Variants in SERGEF observed in about 807,000 individuals in gnomAD.
SERGEF encodes secretion-regulating guanine nucleotide exchange factor.
Under a neutral mutation model 50.0 loss-of-function variants are expected in SERGEF, and 51 were observed. The ratio of observed to expected loss-of-function variants is 1.02; its 90% CI spans 0.81 to 1.29. The LOEUF is 1.29. Ranked by LOEUF, SERGEF falls within the 50% of genes most tolerant of loss-of-function variation. The pLI, the probability that SERGEF is intolerant of heterozygous loss-of-function variation, is 0.00. For missense variants in SERGEF, 521 were observed against 557.0 expected (o/e 0.94, Z 0.65); for synonymous variants, 205 against 212.4 (o/e 0.97, Z 0.30).
chr11:17,817,488 T>G lies in SERGEF; in HGVS notation c.1049-29075A>C, dbSNP rs559261515. ...GCCTCAGCCTCCCAAAGTGCTGGGA[T>G]TACAGGCATGAGCCACCACGCCTGG... On this transcript the variant is annotated intron_variant, in intron 10 of 10. Transcript: ENST00000265965. Among the ~76,000 whole-genome samples, 27 of 152,288 alleles carry G rather than the reference T, an allele frequency of 1.8e-4. No individual in the cohort carries two copies. The South Asian group carries it at 5.6e-3, about 32-fold the overall frequency.
chr11:17,922,476 G>A (rs1209680317), intron 9 of SERGEF, among the ~76,000 whole-genome samples: 1 of 152,166 alleles, frequency 6.6e-6, no homozygotes, highest in African/African-American at 2.4e-5. Flanking sequence ...AGAAAACATT[G>A]GGGTTTTTTT....
rs746060767 is a variant in SERGEF at position 17,788,073 on chromosome 11, A to G, written c.*12T>C. The G allele has an allele frequency of 7.3e-6, 11 of 1,505,812 alleles. No individual in the cohort carries two copies. The highest frequency in any genetic ancestry group is 8.9e-6 in the Non-Finnish European group (10 of 1,125,010). 93.3% of individuals were successfully genotyped at this position (1,505,812 alleles called of 1,614,324 possible). On this transcript the variant is annotated 3_prime_UTR_variant, in exon 11 of 11. Transcript: ENST00000265965. ...TTTTGGTGGGAAAAGCCACTTTATT[A>G]AAGATTCTCTATCACAGTCCCCCAT...
chr11:17,805,941 A>C (rs2133830211), intron 10 of SERGEF, among the ~76,000 whole-genome samples: 1 of 152,352 alleles, frequency 6.6e-6, no homozygotes, highest in African/African-American at 2.4e-5. Context: ...ATTGGGCCCA[A>C]AGGTAGGGAG....
chr11:17,953,975 C>T (rs953943304), intron 9 of SERGEF, among the ~76,000 whole-genome samples: 2 of 152,200 alleles, frequency 1.3e-5, no homozygotes, highest in South Asian at 4.1e-4. Flanking sequence ...ATTTTTAAAT[C>T]TCCAGTGAAA....
At chr11:17,916,043 A>C (rs1219344969) in intron 9 of SERGEF, among the ~76,000 whole-genome samples, 1 of 152,220 alleles carries the variant, frequency 6.6e-6, no homozygotes, top group Non-Finnish European at 1.5e-5. Context: ...AAGACAAGCA[A>C]GTAAAACCTT....
intron 9 of SERGEF, among the ~76,000 whole-genome samples, chr11:17,946,751 T>C (rs992178686): frequency 2.6e-5 from 4 of 152,212 alleles, no homozygotes; most frequent in African/African-American, 9.7e-5. Flanking sequence ...GCAATGCAGA[T>C]TGAAAAAGAT....
intron 10 of SERGEF, among the ~76,000 whole-genome samples, chr11:17,791,039 C>G (rs1849476622): frequency 6.6e-6 from 1 of 152,174 alleles, no homozygotes; most frequent in Non-Finnish European, 1.5e-5. Flanking sequence ...TTGGAAGTAT[C>G]TTCTTCCAGA....
chr11:17,959,586 T>A lies in SERGEF; in HGVS notation c.895A>T (p.Arg299Trp), dbSNP rs755617722. Reference protein sequence around the residue: ...WGRADYGQLGRKLETYEGWKL... With the variant: ...WGRADYGQLGWKLETYEGWKL... ...CAGCCTTCATAAGTCTCCAACTTCCTCCCTAGCTGACCATAGTCTGCTCGG... is the reference window on the plus strand; with the variant it reads ...CAGCCTTCATAAGTCTCCAACTTCCACCCTAGCTGACCATAGTCTGCTCGG... The change falls in exon 9 of 11, where the codon AGG becomes TGG. Residue 299 changes from arginine (R) to tryptophan (W), a missense_variant. By Grantham distance (101) the Arg-to-Trp change is moderately radical. Coordinates refer to ENST00000265965, the MANE Select transcript of SERGEF (RefSeq NM_012139.4). 2.4e-5 allele frequency: 38 copies of A among 1,614,002 alleles called. No individual in the cohort carries two copies. Among genetic ancestry groups the A allele is most frequent in the Non-Finnish European group, 3.1e-5 (37 of 1,179,974 alleles).
intron 9 of SERGEF, among the ~76,000 whole-genome samples, chr11:17,892,788 A>G (rs1851557388): frequency 1.3e-5 from 2 of 152,212 alleles, no homozygotes; most frequent in African/African-American, 4.8e-5. Context: ...AACACACACT[A>G]CAGGAAACCA....
At chr11:17,875,044 G>A (rs1422376984) in intron 10 of SERGEF, among the ~76,000 whole-genome samples, 19 of 152,290 alleles carry the variant, frequency 1.2e-4, no homozygotes, top group African/African-American at 4.3e-4. Flanking sequence ...TCCCAGATGA[G>A]GTGATCAAGA....
chr11:17,955,429 G>T (rs1277793382), intron 9 of SERGEF, among the ~76,000 whole-genome samples: 1 of 152,166 alleles, frequency 6.6e-6, no homozygotes, highest in East Asian at 1.9e-4. Context: ...TTATGGAATG[G>T]GCAAGAACTC....
At chr11:17,815,281 A>C (rs1425420060) in intron 10 of SERGEF, among the ~76,000 whole-genome samples, 1 of 152,004 alleles carries the variant, frequency 6.6e-6, no homozygotes, top group African/African-American at 2.4e-5. Flanking sequence ...ATCTATATAA[A>C]TACTTCGGGG....
intron 10 of SERGEF, among the ~76,000 whole-genome samples, chr11:17,817,812 C>T (rs1232121455): frequency 6.6e-6 from 1 of 152,126 alleles, no homozygotes; most frequent in South Asian, 2.1e-4. Flanking sequence ...AGTATTCAAC[C>T]CAAAGGCTGC....
intron 6 of SERGEF, among the ~76,000 whole-genome samples, chr11:17,994,304 T>C (rs1252996892): frequency 6.6e-6 from 1 of 151,686 alleles, no homozygotes; most frequent in African/African-American, 2.4e-5. Context: ...GAAAACCCTG[T>C]CTCTACTAAA....
chr11:18,007,505 C>T (rs574277195), intron 2 of SERGEF, among the ~76,000 whole-genome samples: 1 of 152,316 alleles, frequency 6.6e-6, no homozygotes, highest in South Asian at 2.1e-4. Context: ...CCCTTTACAA[C>T]ATTGTAGCAC....
At chr11:17,807,514 G>A (rs943861494) in intron 10 of SERGEF, among the ~76,000 whole-genome samples, 8 of 152,224 alleles carry the variant, frequency 5.3e-5, no homozygotes, top group Non-Finnish European at 8.8e-5. Context: ...CACCCAGGGG[G>A]TAATGCGGTT....
chr11:17,842,744 G>A (rs1189019672), intron 10 of SERGEF, among the ~76,000 whole-genome samples: 1 of 152,212 alleles, frequency 6.6e-6, no homozygotes, highest in East Asian at 1.9e-4. Context: ...TATTTCTGTG[G>A]TGCTGGAGGC....
chr11:17,891,734 T>C (rs927700924), intron 9 of SERGEF, among the ~76,000 whole-genome samples: 9 of 152,210 alleles, frequency 5.9e-5, no homozygotes, highest in Non-Finnish European at 1.0e-4. Flanking sequence ...AGAACCTTTT[T>C]AACACAGAGC....
chr11:17,815,478 G>C (rs1231995831), intron 10 of SERGEF, among the ~76,000 whole-genome samples: 1 of 151,838 alleles, frequency 6.6e-6, no homozygotes, highest in East Asian at 1.9e-4. Context: ...AGCCGGGCGT[G>C]GTGGCACATG....
Sources: gnomAD v4.1 joint callset for allele counts (sites outside exome capture counted in the v4.1 genomes callset) on GRCh38, gnomAD v4.1.1 for gene constraint, MANE v1.5 for transcripts, NCBI Gene and HGNC (gene_info 2026-07-23, HGNC 2026-07-21) for gene names.